Variants in SRPK2 observed in about 807,000 individuals in gnomAD.
SRPK2 encodes SRSF protein kinase 2, also known as SFRS protein kinase 2.
A neutral mutation model predicts 90.8 loss-of-function variants in SRPK2; 21 were observed. The observed-to-expected ratio is 0.23, with a 90% confidence interval of 0.16 to 0.33. The LOEUF is 0.33. Among genes scored for constraint, SRPK2 ranks in the 10% least tolerant of loss-of-function variants. SRPK2 has a pLI of 1.00. For missense variants in SRPK2, 620 were observed against 869.0 expected, an observed-to-expected ratio of 0.71 and a Z score of 3.60; for synonymous variants, 288 against 311.1, an observed-to-expected ratio of 0.93 and a Z score of 0.78.
intron 2 of SRPK2, among the ~76,000 whole-genome samples, chr7:105,291,622 C>T (rs1463980485): frequency 6.6e-6 from 1 of 152,256 alleles, no homozygotes; most frequent in South Asian, 2.1e-4. Flanking sequence ...CCCAGCTACT[C>T]GGGAAGCTGA....
intron 2 of SRPK2, among the ~76,000 whole-genome samples, chr7:105,300,254 CAAAAAAAAAAA>C (rs35542004): frequency 5.2e-5 from 4 of 76,302 alleles, no homozygotes; most frequent in South Asian, 4.1e-4. Flanking sequence ...GACTCCATCT[CAAAAAAAAAAA>C]AAAAAAAAAA....
chr7:105,314,892 G>A (rs1812147817), intron 2 of SRPK2, among the ~76,000 whole-genome samples: 1 of 152,198 alleles, frequency 6.6e-6, no homozygotes, highest in African/African-American at 2.4e-5. Context: ...GTATATGTAG[G>A]AGAACAGGAA....
chr7:105,323,036 T>C (rs1241383063), intron 2 of SRPK2, among the ~76,000 whole-genome samples: 1 of 152,000 alleles, frequency 6.6e-6, no homozygotes, highest in Non-Finnish European at 1.5e-5. Flanking sequence ...CTGTCTCTAC[T>C]AAAAATACAA....
At chr7:105,369,139 T>TATG (rs1244448383) in intron 2 of SRPK2, among the ~76,000 whole-genome samples, 8 of 148,692 alleles carry the variant, frequency 5.4e-5, no homozygotes, top group South Asian at 4.2e-4. Context: ...TTATTATTAT[T>TATG]ATTATTATTA....
intron 3 of SRPK2, among the ~76,000 whole-genome samples, chr7:105,196,884 T>A (rs1794979920): frequency 6.6e-6 from 1 of 152,012 alleles, no homozygotes; most frequent in Admixed American, 6.6e-5. Flanking sequence ...ACCTCATCTC[T>A]ACTAAAAATA....
At chr7:105,297,387 T>A (rs1809961491) in intron 2 of SRPK2, 2 of 842,492 alleles carry the variant, frequency 2.4e-6, no homozygotes, top group South Asian at 1.1e-4. Flanking sequence ...AATACAGCTA[T>A]CACGTTTTCA....
At chr7:105,140,492 T>G (rs1803568223) in intron 11 of SRPK2, among the ~76,000 whole-genome samples, 1 of 151,090 alleles carries the variant, frequency 6.6e-6, no homozygotes, top group African/African-American at 2.4e-5. Context: ...TCCCAGCTGC[T>G]CGGGAGACTG....
intron 2 of SRPK2, among the ~76,000 whole-genome samples, chr7:105,218,258 G>C (rs989950611): frequency 6.6e-6 from 1 of 152,226 alleles, no homozygotes; most frequent in African/African-American, 2.4e-5. Flanking sequence ...GCTACACAAA[G>C]TTAAATCTAT....
rs1403236747 is a variant in SRPK2 at position 105,117,876 on chromosome 7, C to G, written c.2062G>C (p.Ala688Pro). ...CAAGGATGCCGAAGGCATTCGCCAG[C>G]TGAGGCTCGTTTTTCTGGAACCATT... Reference protein sequence around the residue: ...LEMVPEKRASAGECLRHPWLN... With the variant: ...LEMVPEKRASPGECLRHPWLN... The change falls in exon 16 of 16, where the codon GCT becomes CCT. Residue 688 changes from alanine (A) to proline (P), a missense_variant. Ala to Pro is a conservative substitution (Grantham distance 27). This residue lies in a region of SRPK2 where 71 missense variants were observed against 123.1 expected (regional missense o/e 0.58). Transcript: ENST00000393651. The G allele has an allele frequency of 1.2e-5, 19 of 1,613,292 alleles. No individual in the cohort carries two copies. The highest frequency in any genetic ancestry group is 1.5e-5 in the Non-Finnish European group (18 of 1,180,034).
intron 2 of SRPK2, among the ~76,000 whole-genome samples, chr7:105,358,002 A>T (rs1817975595): frequency 6.6e-6 from 1 of 151,986 alleles, no homozygotes; most frequent in African/African-American, 2.4e-5. Context: ...AGGTGGGTGG[A>T]TCACAAAGGT....
At chr7:105,334,798 C>T (rs1259169563) in intron 2 of SRPK2, among the ~76,000 whole-genome samples, 1 of 146,146 alleles carries the variant, frequency 6.8e-6, no homozygotes, top group Non-Finnish European at 1.5e-5. Flanking sequence ...CAAAATCATG[C>T]CACTGCACTC....
intron 2 of SRPK2, among the ~76,000 whole-genome samples, chr7:105,230,975 G>A (rs1272735774): frequency 6.6e-6 from 1 of 152,172 alleles, no homozygotes; most frequent in East Asian, 1.9e-4. Context: ...AGGGGTACAT[G>A]TGCATGTTTG....
chr7:105,342,416 C>T (rs1815933629), intron 2 of SRPK2, among the ~76,000 whole-genome samples: 1 of 151,690 alleles, frequency 6.6e-6, no homozygotes, highest in South Asian at 2.1e-4. Context: ...TGAAACATTC[C>T]TAGGACTGTC....
At chr7:105,225,259 T>TA (rs1798578403) in intron 2 of SRPK2, among the ~76,000 whole-genome samples, 1 of 152,224 alleles carries the variant, frequency 6.6e-6, no homozygotes, top group Non-Finnish European at 1.5e-5. Flanking sequence ...TTTCTGCCTA[T>TA]AAAGGCTGTA....
At chr7:105,241,108 A>G (rs1221213886) in intron 2 of SRPK2, among the ~76,000 whole-genome samples, 1 of 152,202 alleles carries the variant, frequency 6.6e-6, no homozygotes, top group Admixed American at 6.5e-5. Flanking sequence ...AAAAGGATGT[A>G]AACTTTTTAA....
chr7:105,212,928 T>C (rs1333789464), intron 2 of SRPK2, among the ~76,000 whole-genome samples: 3 of 152,130 alleles, frequency 2.0e-5, no homozygotes, highest in African/African-American at 4.8e-5. Context: ...CCATAAACAA[T>C]TAGGTATTAC....
chr7:105,120,344 C>A (rs1436998294), intron 15 of SRPK2, among the ~76,000 whole-genome samples: 1 of 152,188 alleles, frequency 6.6e-6, no homozygotes, highest in Non-Finnish European at 1.5e-5. Flanking sequence ...ATCAACAAGG[C>A]ATCTTTTAAG....
chr7:105,168,738 G>A (rs1227822389), intron 4 of SRPK2, among the ~76,000 whole-genome samples: 29 of 39,170 alleles, frequency 7.4e-4, no homozygotes, highest in East Asian at 5.3e-3. Context: ...ACACACACAC[G>A]CACCAAATGT....
At chr7:105,350,063 G>C (rs1011254853) in intron 2 of SRPK2, among the ~76,000 whole-genome samples, 2 of 150,678 alleles carry the variant, frequency 1.3e-5, no homozygotes, top group Non-Finnish European at 3.0e-5. Flanking sequence ...AATACAGCAG[G>C]CATTATGCTA....
Sources: gnomAD v4.1 joint callset for allele counts (sites outside exome capture counted in the v4.1 genomes callset) on GRCh38, gnomAD v4.1.1 for gene constraint, gnomAD v4.1.1 regional missense constraint, MANE v1.5 for transcripts, NCBI Gene and HGNC (gene_info 2026-07-23, HGNC 2026-07-21) for gene names.